Variants in PRKCA observed in about 807,000 individuals in gnomAD.
The protein encoded by PRKCA is protein kinase C alpha type.
A neutral mutation model predicts 87.0 loss-of-function variants in PRKCA; 27 were observed. The observed-to-expected ratio is 0.31, with a 90% confidence interval of 0.23 to 0.43. The LOEUF (loss-of-function observed/expected upper bound fraction) is 0.43, where lower values mean the gene tolerates loss of function less well. Ranked by LOEUF, PRKCA falls within the 20% of genes least tolerant of loss-of-function variation. The pLI, the probability that PRKCA is intolerant of heterozygous loss-of-function variation, is 1.00. For synonymous variants in PRKCA, 329 were observed against 311.1 expected (o/e 1.06, Z -0.61); for missense variants, 518 against 852.3 (o/e 0.61, Z 4.88).
chr17:66,591,521 A>G (rs1969803619), intron 3 of PRKCA, among the ~76,000 whole-genome samples: 1 of 152,198 alleles, frequency 6.6e-6, no homozygotes, highest in African/African-American at 2.4e-5. Context: ...TCATTCCCTC[A>G]GCCATTTAAA....
chr17:66,365,952 C>T (rs959818704), intron 2 of PRKCA, among the ~76,000 whole-genome samples: 1 of 152,186 alleles, frequency 6.6e-6, no homozygotes, highest in African/African-American at 2.4e-5. Flanking sequence ...CAACTGTTGT[C>T]TCTCCTGAGT....
Position 66,809,734 on chromosome 17 carries a change from TAAGGTTTAG to T in PRKCA, c.*5700_*5708del, listed in dbSNP as rs1420921936. On this transcript the variant is annotated 3_prime_UTR_variant, in exon 17 of 17. Coordinates refer to ENST00000413366, the MANE Select transcript of PRKCA (RefSeq NM_002737.3). Reference sequence around the variant, plus strand: ...TTAATAGACACTGGGGACAACTGCTTAAGGTTTAGAAACTTCCAAACCACAGGAAAGACA... The same window carrying T: ...TTAATAGACACTGGGGACAACTGCTTAAACTTCCAAACCACAGGAAAGACA... 1 of 152,182 alleles carries T rather than the reference TAAGGTTTAG, an allele frequency of 6.6e-6. No individual in the cohort carries two copies. Among genetic ancestry groups the T allele is most frequent in the African/African-American group, 2.4e-5 (1 of 41,428 alleles). The allele number at this position is 152,182 out of a possible 1,614,324, so 9.4% of individuals were successfully genotyped here. A position where few individuals can be genotyped will look rare whatever the true frequency, so the allele number is the denominator to read the frequency against.
intron 2 of PRKCA, among the ~76,000 whole-genome samples, chr17:66,413,000 A>G (rs73993631): frequency 0.011 from 1,640 of 152,230 alleles, 25 homozygotes; most frequent in African/African-American, 0.036. Flanking sequence ...ACACACACCA[A>G]GCAATTCTCC....
intron 3 of PRKCA, among the ~76,000 whole-genome samples, chr17:66,619,669 G>T (rs2143686101): frequency 6.6e-6 from 1 of 152,288 alleles, no homozygotes; most frequent in Non-Finnish European, 1.5e-5. Flanking sequence ...ACAGCTTTTG[G>T]CAGAGCTCAA....
rs1220072648 is a variant in PRKCA at position 66,732,703 on chromosome 17, C to T, written c.934C>T (p.Pro312Ser). The change falls in exon 9 of 17, where the codon CCT (proline) becomes TCT (serine). Residue 312 changes from proline (P) to serine (S), a missense_variant. By Grantham distance (74) the Pro-to-Ser change is moderately conservative. Coordinates refer to ENST00000413366, the MANE Select transcript of PRKCA (RefSeq NM_002737.3). ...RQKFEKAKLG[P>S]AGNKVISPSE... Reference sequence around the variant, plus strand: ...TGTTATTTAGAAAGCCAAACTTGGCCCTGCTGGCAACAAAGTCATCAGTCC... The same window carrying T: ...TGTTATTTAGAAAGCCAAACTTGGCTCTGCTGGCAACAAAGTCATCAGTCC... The T allele has an allele frequency of 1.2e-6, 2 of 1,613,888 alleles. No individual in the cohort carries two copies. Among genetic ancestry groups the T allele is most frequent in the Non-Finnish European group, 1.7e-6 (2 of 1,179,986 alleles).
chr17:66,653,633 G>T (rs1488884076), intron 5 of PRKCA, among the ~76,000 whole-genome samples: 7 of 152,066 alleles, frequency 4.6e-5, no homozygotes. Flanking sequence ...CAAAGCTGTT[G>T]CTTATTGTAT....
intron 3 of PRKCA, among the ~76,000 whole-genome samples, chr17:66,551,582 C>T (rs1043072193): frequency 9.9e-5 from 15 of 152,174 alleles, no homozygotes; most frequent in African/African-American, 3.6e-4. Context: ...AGTGACACCC[C>T]ATCACTTTTG....
intron 3 of PRKCA, among the ~76,000 whole-genome samples, chr17:66,512,706 C>G (rs1305038995): frequency 1.3e-5 from 2 of 152,032 alleles, no homozygotes; most frequent in Admixed American, 6.6e-5. Context: ...GATCATACCC[C>G]CCTTGTTATT....
At chr17:66,441,162 C>CAAA (rs199828612) in intron 2 of PRKCA, among the ~76,000 whole-genome samples, 8 of 107,178 alleles carry the variant, frequency 7.5e-5, no homozygotes, top group African/African-American at 1.2e-4. Context: ...ACTCTGTCTC[C>CAAA]AAAAAAAAAA....
intron 2 of PRKCA, among the ~76,000 whole-genome samples, chr17:66,419,205 CAT>C (rs1912350742): frequency 1.3e-5 from 2 of 152,152 alleles, no homozygotes; most frequent in African/African-American, 4.8e-5. Flanking sequence ...GTTAGGCAGT[CAT>C]GTGCTCAACA....
intron 8 of PRKCA, among the ~76,000 whole-genome samples, chr17:66,708,570 C>G (rs1218176495): frequency 3.3e-5 from 5 of 152,188 alleles, no homozygotes; most frequent in Non-Finnish European, 7.3e-5. Flanking sequence ...GCAATTGTAT[C>G]AAGGTGTCTC....
chr17:66,476,646 C>T (rs1435432919), intron 2 of PRKCA, among the ~76,000 whole-genome samples: 3 of 152,180 alleles, frequency 2.0e-5, no homozygotes, highest in Non-Finnish European at 4.4e-5. Flanking sequence ...GGAAACTTCT[C>T]CCCTCACTGG....
chr17:66,562,713 C>T lies in PRKCA; in HGVS notation c.288+66430C>T, dbSNP rs111266489. 6.9e-3 allele frequency among the ~76,000 whole-genome samples: 1,044 copies of T among 152,234 alleles called. 17 individuals carry two copies. The highest frequency in any genetic ancestry group is 0.021 in the African/African-American group (864 of 41,528). Reference sequence around the variant, plus strand: ...CTGGGTTCAAGCGATTCTTCTGCCTCAGCCTTCTGAGTAGCTGGGATTACA... The same window carrying T: ...CTGGGTTCAAGCGATTCTTCTGCCTTAGCCTTCTGAGTAGCTGGGATTACA... On this transcript the variant is annotated intron_variant, in intron 3 of 16. Transcript: ENST00000413366.
intron 3 of PRKCA, among the ~76,000 whole-genome samples, chr17:66,632,423 A>G (rs1971044421): frequency 6.6e-6 from 1 of 152,070 alleles, no homozygotes; most frequent in Non-Finnish European, 1.5e-5. Flanking sequence ...TCTGTTACCC[A>G]GGCTGGAGTG....
At chr17:66,456,847 A>G (rs1311035216) in intron 2 of PRKCA, among the ~76,000 whole-genome samples, 1 of 152,214 alleles carries the variant, frequency 6.6e-6, no homozygotes, top group Non-Finnish European at 1.5e-5. Flanking sequence ...TTGGAGGAAC[A>G]GCTTTCGATG....
chr17:66,407,964 C>T (rs1250994440), intron 2 of PRKCA, among the ~76,000 whole-genome samples: 1 of 152,114 alleles, frequency 6.6e-6, no homozygotes, highest in Non-Finnish European at 1.5e-5. Context: ...TGAAATTCGT[C>T]TTTTTGAAAT....
intron 8 of PRKCA, among the ~76,000 whole-genome samples, chr17:66,709,318 T>C (rs1973265472): frequency 6.8e-6 from 1 of 147,290 alleles, no homozygotes; most frequent in South Asian, 2.2e-4. Flanking sequence ...TTTTTTTTTT[T>C]TTTTTTTTTT....
chr17:66,392,482 T>G (rs1463873473), intron 2 of PRKCA, among the ~76,000 whole-genome samples: 2 of 152,168 alleles, frequency 1.3e-5, no homozygotes. Flanking sequence ...TTTACAGTAT[T>G]TGGAGGTTTG....
chr17:66,562,699 C>T (rs928125149), intron 3 of PRKCA, among the ~76,000 whole-genome samples: 3 of 152,022 alleles, frequency 2.0e-5, no homozygotes, highest in Non-Finnish European at 4.4e-5. Context: ...TGGGTTCAAG[C>T]GATTCTTCTG....
Sources: gnomAD v4.1 joint callset for allele counts (sites outside exome capture counted in the v4.1 genomes callset) on GRCh38, gnomAD v4.1.1 for gene constraint, MANE v1.5 for transcripts, NCBI Gene and HGNC (gene_info 2026-07-23, HGNC 2026-07-21) for gene names.